CFAP95: variants seen among roughly 807,000 people sequenced by gnomAD.
CFAP95 encodes the protein cilia- and flagella-associated protein 95.
chr9:69,827,442 C>G, the CFAP95 span, among the ~76,000 whole-genome samples: 1 of 152,218 alleles, frequency 6.6e-6, no homozygotes, highest in Non-Finnish European at 1.5e-5. Flanking sequence ...TAAAGCTTAT[C>G]TCTGTCTCTT....
the CFAP95 span, chr9:69,857,807 C>T: frequency 5.4e-5 from 54 of 997,924 alleles, no homozygotes; most frequent in Middle Eastern, 2.6e-4. Context: ...GGATTACAGG[C>T]GTGAGCCACT....
At chr9:69,853,430 CTATAT>C in the CFAP95 span, among the ~76,000 whole-genome samples, 2 of 152,046 alleles carry the variant, frequency 1.3e-5, no homozygotes, top group African/African-American at 2.4e-5. Flanking sequence ...TAGATATTTT[CTATAT>C]TATAATTTTC....
chr9:69,844,820 A>G, the CFAP95 span, among the ~76,000 whole-genome samples: 1 of 152,252 alleles, frequency 6.6e-6, no homozygotes, highest in African/African-American at 2.4e-5. Flanking sequence ...TGGGCGAATT[A>G]CATGAGATGA....
At chr9:69,858,006 T>C in the CFAP95 span, 5 of 1,599,106 alleles carry the variant, frequency 3.1e-6, no homozygotes, top group African/African-American at 6.7e-5. Flanking sequence ...GCTACAACTG[T>C]ACAAAATGTT....
At chr9:69,903,759 C>T in the CFAP95 span, among the ~76,000 whole-genome samples, 1 of 152,174 alleles carries the variant, frequency 6.6e-6, no homozygotes, top group Non-Finnish European at 1.5e-5. Context: ...CAGGGTCTTG[C>T]TCTGTTGCCC....
At chr9:69,843,565 T>C in the CFAP95 span, among the ~76,000 whole-genome samples, 43 of 18,114 alleles carry the variant, frequency 2.4e-3, no homozygotes, top group African/African-American at 4.5e-3. Context: ...CTCCTTCTTC[T>C]TCTTCTTCTT....
At chr9:69,844,527 A>G in the CFAP95 span, 1 of 1,598,546 alleles carries the variant, frequency 6.3e-7, no homozygotes, top group East Asian at 2.3e-5. Flanking sequence ...GCACCGTGAC[A>G]GAGAAGCTTT....
the CFAP95 span, among the ~76,000 whole-genome samples, chr9:69,843,625 TTCTTCC>T: frequency 0.027 from 1,719 of 63,676 alleles, 202 homozygotes; most frequent in East Asian, 0.049. Flanking sequence ...CTTCTTCTTC[TTCTTCC>T]TCCTCCTCCT....
chr9:69,836,136 G>A, the CFAP95 span, among the ~76,000 whole-genome samples: 2 of 152,172 alleles, frequency 1.3e-5, no homozygotes, highest in African/African-American at 4.8e-5. Flanking sequence ...TATGAAAGGT[G>A]GTAGATGATT....
the CFAP95 span, among the ~76,000 whole-genome samples, chr9:69,847,600 A>T: frequency 3.2e-4 from 49 of 152,176 alleles, no homozygotes; most frequent in South Asian, 2.1e-4. Context: ...ATCTCACTGC[A>T]TATGTGTTGG....
the CFAP95 span, among the ~76,000 whole-genome samples, chr9:69,881,192 G>C: frequency 1.3e-5 from 2 of 152,086 alleles, no homozygotes; most frequent in Non-Finnish European, 2.9e-5. Flanking sequence ...GTCTACTTTT[G>C]CTTTGGCTGC....
chr9:69,827,569 G>A, the CFAP95 span, among the ~76,000 whole-genome samples: 1 of 152,168 alleles, frequency 6.6e-6, no homozygotes, highest in African/African-American at 2.4e-5. Flanking sequence ...TGTACGAGGG[G>A]CTGAGGTTAT....
At chr9:69,902,420 C>T in the CFAP95 span, 1 of 411,256 alleles carries the variant, frequency 2.4e-6, no homozygotes, top group Non-Finnish European at 4.8e-6. Context: ...TTGTCTTGCT[C>T]AAAAATCCTA....
chr9:69,869,576 A>G, the CFAP95 span, among the ~76,000 whole-genome samples: 1 of 152,184 alleles, frequency 6.6e-6, no homozygotes, highest in Non-Finnish European at 1.5e-5. Context: ...CATACTTGAA[A>G]TTTGATAAGA....
At chr9:69,893,487 T>G in the CFAP95 span, among the ~76,000 whole-genome samples, 1 of 152,214 alleles carries the variant, frequency 6.6e-6, no homozygotes, top group Non-Finnish European at 1.5e-5. Flanking sequence ...ATCCCAGTTA[T>G]TTTAAGGTCC....
the CFAP95 span, among the ~76,000 whole-genome samples, chr9:69,825,786 A>G: frequency 6.6e-6 from 1 of 152,198 alleles, no homozygotes; most frequent in East Asian, 1.9e-4. Context: ...ATTCATTCAT[A>G]CTCATCTTTT....
chr9:69,856,757 C>G, the CFAP95 span: 2 of 777,248 alleles, frequency 2.6e-6, no homozygotes, highest in Non-Finnish European at 4.2e-6. Context: ...ATAGTGACCC[C>G]AGTTCCACAC....
At chr9:69,906,003 C>T in the CFAP95 span, 2 of 1,612,326 alleles carry the variant, frequency 1.2e-6, no homozygotes, top group Non-Finnish European at 1.7e-6. Flanking sequence ...AAATGCCGTT[C>T]TCAGTTCACG....
At chr9:69,846,037 A>G in the CFAP95 span, among the ~76,000 whole-genome samples, 4 of 152,202 alleles carry the variant, frequency 2.6e-5, no homozygotes, top group Non-Finnish European at 5.9e-5. Context: ...TGTGGTCAGG[A>G]GAAGAGTAAG....
Sources: allele counts gnomAD v4.1 joint callset (sites outside exome capture counted in the v4.1 genomes callset), GRCh38; gene constraint gnomAD v4.1.1; transcripts MANE v1.5; gene names NCBI Gene and HGNC (gene_info 2026-07-23, HGNC 2026-07-21).